The following ELL variants were observed in gnomAD, a reference collection of about 807,000 sequenced individuals.
The protein encoded by ELL is elongation factor for RNA polymerase II.
A neutral mutation model predicts 64.0 loss-of-function variants in ELL; 18 were observed. The observed-to-expected ratio is 0.28, with a 90% CI of 0.19 to 0.42. ELL has a LOEUF of 0.42. Among genes scored for constraint, ELL ranks in the 10% least tolerant of loss-of-function variants. The pLI, the probability that ELL is intolerant of heterozygous loss-of-function variation, is 1.00. For missense variants in ELL, 797 were observed against 870.4 expected, an observed-to-expected ratio of 0.92 and a Z score of 1.06; for synonymous variants, 399 against 376.2, an observed-to-expected ratio of 1.06 and a Z score of -0.70.
At chr19:18,482,336 T>TTTTTTTC (rs781472836) in intron 1 of ELL, among the ~76,000 whole-genome samples, 3 of 127,924 alleles carry the variant, frequency 2.3e-5, no homozygotes, top group Non-Finnish European at 1.7e-5. Flanking sequence ...TTTTTTTTTT[T>TTTTTTTC]AAACAGGGTC....
intron 1 of ELL, among the ~76,000 whole-genome samples, chr19:18,486,388 G>A (rs928059166): frequency 2.0e-5 from 3 of 152,192 alleles, no homozygotes; most frequent in African/African-American, 7.2e-5. Flanking sequence ...CCCAGAGTGG[G>A]GGTGCGGTCC....
At position 18,489,843 on chromosome 19, in the gene ELL, C is replaced by T. The variant is rs936946615; in HGVS notation, c.136-16961G>A. On this transcript the variant is annotated intron_variant, in intron 1 of 11. Transcript: ENST00000262809. ...TTGGGGTGCGAGGTTGGTCTCTTCC[C>T]ACCTAAAGGGGAGTTCCAGGAGGAG... Among the ~76,000 whole-genome samples the T allele has an allele frequency of 1.9e-4, 29 of 152,262 alleles. 1 individual carries two copies. Among genetic ancestry groups the T allele is most frequent in the Admixed American group, 7.2e-4 (11 of 15,296 alleles).
chr19:18,446,560 C>A, intron 9 of ELL, 80 bp from the exon 10 acceptor site: 1 of 1,549,846 alleles, frequency 6.5e-7, no homozygotes, highest in Non-Finnish European at 8.7e-7. Flanking sequence ...CTGGCTCCAC[C>A]GGCGGCCTGG....
At chr19:18,474,113 C>T (rs1000470584) in intron 1 of ELL, among the ~76,000 whole-genome samples, 35 of 152,346 alleles carry the variant, frequency 2.3e-4, no homozygotes, top group African/African-American at 7.0e-4. Flanking sequence ...CAGCACTGTT[C>T]CAGGACTCCA....
intron 4 of ELL, 132 bp downstream of exon 4, chr19:18,465,280 G>A (rs1974909495): frequency 7.7e-7 from 1 of 1,303,942 alleles, no homozygotes; most frequent in African/African-American, 1.5e-5. Flanking sequence ...TCCTGCTCAG[G>A]GACCGACTCC....
At chr19:18,504,803 A>G (rs1339886984) in intron 1 of ELL, among the ~76,000 whole-genome samples, 1 of 152,042 alleles carries the variant, frequency 6.6e-6, no homozygotes, top group East Asian at 1.9e-4. Flanking sequence ...ACCAGAACCC[A>G]TTTACTCTGG....
intron 1 of ELL, among the ~76,000 whole-genome samples, chr19:18,475,371 C>T (rs1011723954): frequency 1.3e-5 from 2 of 152,164 alleles, no homozygotes; most frequent in African/African-American, 4.8e-5. Context: ...CAAGTGTTGG[C>T]GAGGACCCAG....
intron 10 of ELL, 50 bp from the exon 11 acceptor site, chr19:18,445,318 G>A (rs1600416702): frequency 1.3e-6 from 2 of 1,593,062 alleles, no homozygotes; most frequent in South Asian, 1.1e-5. Flanking sequence ...CCCGCCTACA[G>A]GAAACCCAAA....
chr19:18,509,593 G>GCGCGCACACACA (rs1438642062), intron 1 of ELL, among the ~76,000 whole-genome samples: 1 of 83,240 alleles, frequency 1.2e-5, no homozygotes, highest in Non-Finnish European at 2.9e-5. Context: ...GCGCGCGCGC[G>GCGCGCACACACA]CACATACACA....
chr19:18,520,835 G>T (rs936862120), intron 1 of ELL, among the ~76,000 whole-genome samples: 2 of 150,974 alleles, frequency 1.3e-5, no homozygotes, highest in African/African-American at 4.9e-5. Flanking sequence ...CCAATTTCCA[G>T]AAAAGGAGTT....
chr19:18,481,230 A>G (rs1241963477), intron 1 of ELL, among the ~76,000 whole-genome samples: 1 of 152,166 alleles, frequency 6.6e-6, no homozygotes, highest in Non-Finnish European at 1.5e-5. Flanking sequence ...ATGGAATCAC[A>G]TAAGATGAGT....
In ELL at chr19:18,465,506, G is replaced by A. The variant is rs1974914294; in HGVS notation, c.375C>T (p.Asp125=). 6.2e-7 allele frequency: 1 copy of A among 1,613,102 alleles called. No individual in the cohort carries two copies. ...QDKITVCATD[D]SYQKARQSMA... ...TGCTCTGCCGCGCCTTCTGGTAGGA[G>A]TCGTCGGTGGCACACACCGTGATCT... Residue 125 remains aspartate, a synonymous_variant, in exon 4 of 12, where the codon GAC becomes GAT. Transcript: ENST00000262809.
chr19:18,452,504 G>A (rs571678119), intron 6 of ELL, among the ~76,000 whole-genome samples: 33 of 152,390 alleles, frequency 2.2e-4, no homozygotes, highest in African/African-American at 7.5e-4. Context: ...AGGCAAGGCA[G>A]AGACAAAAGG....
At chr19:18,506,993 G>T (rs1975896165) in intron 1 of ELL, among the ~76,000 whole-genome samples, 1 of 152,090 alleles carries the variant, frequency 6.6e-6, no homozygotes, top group African/African-American at 2.4e-5. Flanking sequence ...GTGGCTCCAG[G>T]CACATGGCCC....
At chr19:18,514,051 C>T (rs570723224) in intron 1 of ELL, among the ~76,000 whole-genome samples, 10 of 152,270 alleles carry the variant, frequency 6.6e-5, no homozygotes, top group Admixed American at 1.3e-4. Flanking sequence ...AGTCAGGAGC[C>T]GTGTCTCCAC....
intron 1 of ELL, among the ~76,000 whole-genome samples, chr19:18,498,580 C>G (rs544265077): frequency 6.6e-6 from 1 of 152,284 alleles, no homozygotes; most frequent in Admixed American, 6.5e-5. Context: ...CTTCAGGGAC[C>G]CTGTGAGACC....
intron 1 of ELL, among the ~76,000 whole-genome samples, chr19:18,518,616 C>A (rs1445290379): frequency 6.6e-6 from 1 of 151,568 alleles, no homozygotes; most frequent in East Asian, 1.9e-4. Context: ...CATGGTAAAA[C>A]CCCATCTCTA....
At chr19:18,506,125 GC>G (rs1212460186) in intron 1 of ELL, among the ~76,000 whole-genome samples, 1 of 152,196 alleles carries the variant, frequency 6.6e-6, no homozygotes, top group East Asian at 1.9e-4. Context: ...GCCCATGTGT[GC>G]CCAGGCTGCT....
intron 1 of ELL, among the ~76,000 whole-genome samples, chr19:18,506,994 C>T (rs1016461125): frequency 1.3e-5 from 2 of 152,130 alleles, no homozygotes; most frequent in African/African-American, 2.4e-5. Context: ...TGGCTCCAGG[C>T]ACATGGCCCT....
Sources: gnomAD v4.1 joint callset for allele counts (sites outside exome capture counted in the v4.1 genomes callset) on GRCh38, gnomAD v4.1.1 for gene constraint, MANE v1.5 for transcripts, NCBI Gene and HGNC (gene_info 2026-07-23, HGNC 2026-07-21) for gene names.